NXN: variants seen among roughly 807,000 people sequenced by gnomAD.
NXN encodes the protein nucleoredoxin.
In NXN, 16 loss-of-function variants were observed where a neutral mutation model predicts 48.6. The ratio of observed to expected loss-of-function variants is 0.33; its 90% confidence interval spans 0.22 to 0.50. The LOEUF (loss-of-function observed/expected upper bound fraction) is 0.50. Ranked by LOEUF, NXN falls within the 20% of genes least tolerant of loss-of-function variation. The pLI, the probability that NXN is intolerant of heterozygous loss-of-function variation, is 0.98. For synonymous variants in NXN, 281 were observed against 269.6 expected (o/e 1.04, Z -0.41); for missense variants, 492 against 605.5 (o/e 0.81, Z 1.97).
At chr17:890,610 T>G (rs526835) in intron 1 of NXN, among the ~76,000 whole-genome samples, 114,920 of 151,748 alleles carry the variant, frequency 0.76, 45,324 homozygotes, top group Middle Eastern at 0.91. Context: ...CTCGATCTCC[T>G]GACCTCGTGA....
At chr17:962,292 C>T (rs7215882) in intron 1 of NXN, among the ~76,000 whole-genome samples, 16,764 of 152,142 alleles carry the variant, frequency 0.11, 2,714 homozygotes, top group African/African-American at 0.35. Context: ...GAGGCAATCA[C>T]AGGTTGAACA....
intron 6 of NXN, 80 bp from the exon 7 acceptor site, chr17:803,886 C>T (rs1447770994): frequency 1.3e-6 from 2 of 1,579,870 alleles, no homozygotes; most frequent in Non-Finnish European, 1.7e-6. Flanking sequence ...GCCGAGGGGG[C>T]CTGAGCTGCA....
In NXN at chr17:932,796, C is replaced by T. The variant is rs1391205036; in HGVS notation, c.360+46523G>A. ...CGGCTTCGCATAAGTCATCTGCGCC[C>T]GCCACCACGCCAGGCTAATTTTTAT... On this transcript the variant is annotated intron_variant, in intron 1 of 7. Transcript: ENST00000336868. The surrounding 1 kb of genome is among the most constrained non-coding windows in gnomAD (Gnocchi z 4.1). 6.6e-6 allele frequency among the ~76,000 whole-genome samples: 1 copy of T among 152,172 alleles called. No individual in the cohort carries two copies. The highest frequency in any genetic ancestry group is 6.5e-5 in the Admixed American group (1 of 15,272).
intron 1 of NXN, among the ~76,000 whole-genome samples, chr17:846,330 T>G (rs1487605412): frequency 6.7e-6 from 1 of 148,210 alleles, no homozygotes; most frequent in African/African-American, 2.5e-5. Flanking sequence ...AGGCAGGGAA[T>G]TGCGTGAACC....
intron 1 of NXN, among the ~76,000 whole-genome samples, chr17:834,667 C>A (rs1324802418): frequency 6.6e-6 from 1 of 151,292 alleles, no homozygotes; most frequent in Non-Finnish European, 1.5e-5. Flanking sequence ...TTACAGGCGC[C>A]CACCACCACG....
chr17:955,013 C>T (rs560129325), intron 1 of NXN, among the ~76,000 whole-genome samples: 1 of 151,466 alleles, frequency 6.6e-6, no homozygotes, highest in Non-Finnish European at 1.5e-5. Flanking sequence ...GGGCCTGACC[C>T]CAGCCCTTCC....
chr17:942,994 A>G (rs2068996989), intron 1 of NXN, among the ~76,000 whole-genome samples: 1 of 136,132 alleles, frequency 7.3e-6, no homozygotes, highest in South Asian at 2.5e-4. Context: ...AACTCACATC[A>G]CACCTTCCTG....
intron 1 of NXN, among the ~76,000 whole-genome samples, chr17:924,070 GT>G (rs535263185): frequency 2.2e-3 from 319 of 142,660 alleles, no homozygotes; most frequent in South Asian, 0.012. Flanking sequence ...TTCTCAAAAA[GT>G]TTTTTTTTTT....
At chr17:864,773 G>A (rs2068079604) in intron 1 of NXN, among the ~76,000 whole-genome samples, 1 of 152,138 alleles carries the variant, frequency 6.6e-6, no homozygotes, top group Admixed American at 6.6e-5. Flanking sequence ...GCATTAAAGG[G>A]GCAGAGGTGG....
intron 1 of NXN, among the ~76,000 whole-genome samples, chr17:842,203 C>T (rs1379710038): frequency 6.6e-6 from 1 of 152,188 alleles, no homozygotes; most frequent in Non-Finnish European, 1.5e-5. Context: ...TCCAGTTAAA[C>T]CCGCCACTTC....
At chr17:909,932 G>A (rs764160137) in intron 1 of NXN, 1 of 152,274 alleles carries the variant, frequency 6.6e-6, no homozygotes, top group Non-Finnish European at 1.5e-5. Flanking sequence ...AAAAAACGCT[G>A]GTGAGTGATA....
intron 1 of NXN, among the ~76,000 whole-genome samples, chr17:945,167 C>T (rs911392965): frequency 2.0e-5 from 3 of 152,042 alleles, no homozygotes; most frequent in Non-Finnish European, 2.9e-5. Context: ...CTGTAACCTC[C>T]GCCTCCCGGG....
chr17:900,751 C>T (rs1331405090), intron 1 of NXN, among the ~76,000 whole-genome samples: 1 of 151,998 alleles, frequency 6.6e-6, no homozygotes, highest in Non-Finnish European at 1.5e-5. Flanking sequence ...AAAAAAAGTA[C>T]CTTTTTTTCT....
At chr17:822,288 A>G (rs1328575951) in intron 4 of NXN, 69 bp downstream of exon 4, 18 of 1,175,610 alleles carry the variant, frequency 1.5e-5, no homozygotes, top group Non-Finnish European at 2.0e-5. Context: ...TCAGAAAAAA[A>G]AGAAAAGAAA....
chr17:948,046 C>CA (rs1162196366), intron 1 of NXN, among the ~76,000 whole-genome samples: 67 of 151,144 alleles, frequency 4.4e-4, no homozygotes, highest in Non-Finnish European at 7.2e-4. Context: ...GACTCTCTCT[C>CA]AAAAACAAAA....
At chr17:878,483 G>C (rs1407146727) in intron 1 of NXN, among the ~76,000 whole-genome samples, 19 of 129,866 alleles carry the variant, frequency 1.5e-4, no homozygotes, top group African/African-American at 3.1e-4. Context: ...GTGGGGTGTG[G>C]GGGCAGGGGA....
chr17:821,918 C>T (rs1327190935), intron 4 of NXN, among the ~76,000 whole-genome samples: 1 of 151,842 alleles, frequency 6.6e-6, no homozygotes, highest in Admixed American at 6.6e-5. Flanking sequence ...CAATCCAGGC[C>T]TGAATTGGGA....
intron 1 of NXN, among the ~76,000 whole-genome samples, chr17:841,688 G>GCCGGCGA (rs1567828232): frequency 8.8e-6 from 1 of 113,488 alleles, no homozygotes; most frequent in African/African-American, 4.2e-5. Flanking sequence ...CCCTGACCAT[G>GCCGGCGA]GCACATCTCA....
chr17:817,802 T>C (rs906358066), intron 5 of NXN, among the ~76,000 whole-genome samples: 2 of 152,136 alleles, frequency 1.3e-5, no homozygotes, highest in African/African-American at 4.8e-5. Context: ...TAGCTGTATC[T>C]GTTTACAGCT....
Sources: gnomAD v4.1 joint callset for allele counts (sites outside exome capture counted in the v4.1 genomes callset) on GRCh38, gnomAD v4.1.1 for gene constraint, Gnocchi (gnomAD v3.1) non-coding constraint, MANE v1.5 for transcripts, NCBI Gene and HGNC (gene_info 2026-07-23, HGNC 2026-07-21) for gene names.